The following FCRL2 variants were observed in gnomAD, a reference collection of about 807,000 sequenced individuals.
FCRL2 encodes Fc receptor like 2, also known as Fc receptor-like protein 2.
In FCRL2, 48 loss-of-function variants were observed where a neutral mutation model predicts 59.8. The ratio of observed to expected loss-of-function variants is 0.80; its 90% CI spans 0.64 to 1.02. The LOEUF is 1.02. Ranked by LOEUF, FCRL2 falls within the 50% of genes least tolerant of loss-of-function variation. The probability of loss-of-function intolerance (pLI) is 0.00; values close to 1 mark genes in which losing one functional copy is unlikely to be tolerated. For missense variants in FCRL2, 658 were observed against 597.3 expected (o/e 1.10, Z -1.06); for synonymous variants, 251 against 229.5 (o/e 1.09, Z -0.85).
intron 3 of FCRL2, 28 bp from the exon 4 acceptor site, chr1:157,770,178 A>C (rs761992910): frequency 6.2e-7 from 1 of 1,602,656 alleles, no homozygotes; most frequent in African/African-American, 1.3e-5. Flanking sequence ...AATAGTCCCC[A>C]AAGCAGTGAC....
intron 7 of FCRL2, among the ~76,000 whole-genome samples, chr1:157,755,766 T>C (rs1447741772): frequency 6.6e-6 from 1 of 152,192 alleles, no homozygotes; most frequent in South Asian, 2.1e-4. Context: ...GTGTAGCACA[T>C]AGTATGTTAT....
chr1:157,769,748 G>T, intron 4 of FCRL2, 118 bp downstream of exon 4: 1 of 1,328,152 alleles, frequency 7.5e-7, no homozygotes, highest in Non-Finnish European at 1.0e-6. Flanking sequence ...GGTTTTTCTA[G>T]CTTAATTTTC....
rs1372913859 is a variant in FCRL2 at position 157,749,564 on chromosome 1, C to T, written c.1307+86G>A. The T allele has an allele frequency of 4.4e-6, 4 of 905,336 alleles. No homozygotes were observed. The African/African-American group carries it at 6.7e-5, about 15-fold the overall frequency. The allele number at this position is 905,336 out of a possible 1,614,324, so 56.1% of individuals were successfully genotyped here. A position where few individuals can be genotyped will look rare whatever the true frequency, so the allele number is the denominator to read the frequency against. Reference sequence around the variant, plus strand: ...CATGTTAATTACATAGCTTCAGTCTCAACGTACAAGCAGAGTACAGTAGGT... The same window carrying T: ...CATGTTAATTACATAGCTTCAGTCTTAACGTACAAGCAGAGTACAGTAGGT... On this transcript the variant is annotated intron_variant, in intron 8 of 11. Transcript: ENST00000361516.
At chr1:157,757,436 T>C (rs1648681031) in intron 7 of FCRL2, among the ~76,000 whole-genome samples, 1 of 152,008 alleles carries the variant, frequency 6.6e-6, no homozygotes, top group Non-Finnish European at 1.5e-5. Flanking sequence ...TGTATAGGTA[T>C]GTAACAAACC....
intron 2 of FCRL2, among the ~76,000 whole-genome samples, chr1:157,775,012 A>G (rs1650298984): frequency 6.6e-6 from 1 of 152,190 alleles, no homozygotes; most frequent in South Asian, 2.1e-4. Context: ...TTTAACTCAG[A>G]AAGAGTGAAA....
At position 157,767,235 on chromosome 1, in the gene FCRL2, G is replaced by A; in HGVS notation, c.1158C>T (p.Ile386=). Residue 386 remains isoleucine, a synonymous_variant, in exon 6 of 12, where the codon ATC becomes ATT. Coordinates refer to ENST00000361516, the MANE Select transcript of FCRL2 (RefSeq NM_030764.4). The part of the protein sequence containing the change: ...AQCSEAVPVS[I]SGPDGYRRDL... ...ATCCAGGTAACACCCACCCACCTGAGATGGAGACTGGCACTGCCTCACTGC... is the reference window on the plus strand; with the variant it reads ...ATCCAGGTAACACCCACCCACCTGAAATGGAGACTGGCACTGCCTCACTGC... 6.2e-7 allele frequency: 1 copy of A among 1,611,590 alleles called. No homozygotes were observed. Among genetic ancestry groups the A allele is most frequent in the Non-Finnish European group, 8.5e-7 (1 of 1,178,776 alleles).
Position 157,768,512 on chromosome 1 carries a change from A to T in FCRL2, c.785T>A (p.Ile262Asn), listed in dbSNP as rs1465276241. 2.5e-6 allele frequency: 4 copies of T among 1,614,092 alleles called. No individual in the cohort carries two copies. In the South Asian group the frequency reaches 4.4e-5, roughly 18 times the overall value. The stretch of plus-strand genomic sequence containing the variant: ...GGCATCACTCTCTTTCACAGCTGGG[A>T]TCTCCAGCTCTGCTGACAGGGAACG... ...TQRSLSAELE[I>N]PAVKESDAGK... Residue 262 changes from isoleucine to asparagine, a missense_variant, in exon 5 of 12, where the codon ATC becomes AAC. Transcript: ENST00000361516.
intron 2 of FCRL2, 21 bp from the exon 3 acceptor site, chr1:157,770,687 C>T (rs758431292): frequency 6.2e-6 from 10 of 1,612,874 alleles, no homozygotes; most frequent in Non-Finnish European, 8.5e-6. Flanking sequence ...AGGAGGGAAA[C>T]CGGATTTGCC....
intron 7 of FCRL2, among the ~76,000 whole-genome samples, chr1:157,751,834 G>C (rs1297861122): frequency 6.6e-6 from 1 of 152,246 alleles, no homozygotes; most frequent in Non-Finnish European, 1.5e-5. Context: ...AATGTTAATA[G>C]TTGGGGGGCT....
intron 2 of FCRL2, among the ~76,000 whole-genome samples, chr1:157,775,188 A>G (rs906845946): frequency 1.3e-5 from 2 of 152,142 alleles, no homozygotes; most frequent in Non-Finnish European, 2.9e-5. Flanking sequence ...AGCCATCCTC[A>G]TTCGTTTACA....
At chr1:157,776,669 T>C (rs1330536198) in intron 1 of FCRL2, among the ~76,000 whole-genome samples, 1 of 152,170 alleles carries the variant, frequency 6.6e-6, no homozygotes, top group African/African-American at 2.4e-5. Flanking sequence ...TGAACCCAAA[T>C]CTTATAGATA....
At chr1:157,760,519 C>G (rs1234488235) in intron 7 of FCRL2, among the ~76,000 whole-genome samples, 5 of 151,406 alleles carry the variant, frequency 3.3e-5, no homozygotes, top group African/African-American at 7.3e-5. Context: ...TCTCAGCTAC[C>G]CAGGAGGCTG....
chr1:157,752,124 A>G (rs779119380), intron 7 of FCRL2, among the ~76,000 whole-genome samples: 4 of 152,158 alleles, frequency 2.6e-5, no homozygotes, highest in African/African-American at 4.8e-5. Flanking sequence ...TGGAGAAACT[A>G]TGTTTTTGTT....
At chr1:157,752,989 A>G (rs1247935500) in intron 7 of FCRL2, among the ~76,000 whole-genome samples, 1 of 152,188 alleles carries the variant, frequency 6.6e-6, no homozygotes, top group Non-Finnish European at 1.5e-5. Context: ...TTGATGGAAT[A>G]AAAAATGTAT....
chr1:157,765,915 A>C (rs1161595167), intron 7 of FCRL2, among the ~76,000 whole-genome samples: 2 of 152,216 alleles, frequency 1.3e-5, no homozygotes, highest in African/African-American at 4.8e-5. Flanking sequence ...GCCTGAATCA[A>C]CATGTTAAAA....
chr1:157,754,510 T>C (rs911554507), intron 7 of FCRL2, among the ~76,000 whole-genome samples: 5 of 152,186 alleles, frequency 3.3e-5, no homozygotes, highest in Non-Finnish European at 7.4e-5. Context: ...TTTTATTCCT[T>C]TACTTTCTTA....
In FCRL2 at chr1:157,768,739, G is replaced by C; in HGVS notation, c.596-38C>G. On this transcript the variant is annotated intron_variant, in intron 4 of 11. Coordinates refer to ENST00000361516, the MANE Select transcript of FCRL2 (RefSeq NM_030764.4). ...AAGACAACAGGTGAGAACTCTAAGG[G>C]AAACTCTGGGAACAGGGTTTGACTG... 1.9e-6 allele frequency: 3 copies of C among 1,542,136 alleles called. No homozygotes were observed. In the South Asian group the frequency reaches 3.8e-5, roughly 19 times the overall value.
At chr1:157,774,142 C>T (rs1650233397) in intron 2 of FCRL2, among the ~76,000 whole-genome samples, 1 of 152,182 alleles carries the variant, frequency 6.6e-6, no homozygotes, top group African/African-American at 2.4e-5. Flanking sequence ...GGCAAAGTCC[C>T]AGGTGGTGAG....
intron 2 of FCRL2, among the ~76,000 whole-genome samples, chr1:157,774,892 A>G (rs981014069): frequency 2.0e-5 from 3 of 152,152 alleles, no homozygotes; most frequent in Non-Finnish European, 4.4e-5. Flanking sequence ...CCAGCATTCA[A>G]TGGGCAAGGG....
Sources: allele counts gnomAD v4.1 joint callset (sites outside exome capture counted in the v4.1 genomes callset), GRCh38; gene constraint gnomAD v4.1.1; transcripts MANE v1.5; gene names NCBI Gene and HGNC (gene_info 2026-07-23, HGNC 2026-07-21).